The following SLC25A26 variants were observed in gnomAD, a reference collection of about 807,000 sequenced individuals.
SLC25A26 encodes mitochondrial S-adenosylmethionine carrier protein.
Under a neutral mutation model 37.8 loss-of-function variants are expected in SLC25A26, and 36 were observed. The ratio of observed to expected loss-of-function variants is 0.95; its 90% confidence interval spans 0.73 to 1.26. The LOEUF is 1.26. SLC25A26 is among the 50% of genes most tolerant of loss of function. The pLI is 0.00. For synonymous variants in SLC25A26, 129 were observed against 122.5 expected (o/e 1.05, Z -0.35); for missense variants, 390 against 331.1 (o/e 1.18, Z -1.38).
At chr3:66,244,916 G>T (rs2072757881) in intron 3 of SLC25A26, among the ~76,000 whole-genome samples, 2 of 152,162 alleles carry the variant, frequency 1.3e-5, no homozygotes, top group South Asian at 4.1e-4. Flanking sequence ...GGCAGAGCTT[G>T]CAGTGAGCCG....
intron 1 of SLC25A26, among the ~76,000 whole-genome samples, chr3:66,214,352 C>T (rs1012460065): frequency 1.3e-4 from 20 of 152,260 alleles, no homozygotes; most frequent in Admixed American, 3.9e-4. Flanking sequence ...CCTGCAGAAC[C>T]GTGAGCCAAA....
chr3:66,263,412 A>C (rs1387799665), intron 5 of SLC25A26, 33 bp downstream of exon 5: 1 of 1,376,496 alleles, frequency 7.3e-7, no homozygotes, highest in Non-Finnish European at 1.0e-6. Flanking sequence ...TTGAAGTACG[A>C]AAGAATGATG....
Position 66,378,056 on chromosome 3 carries a change from TAATA to T in SLC25A26, c.*255_*258del, listed in dbSNP as rs1700780492. On this transcript the variant is annotated 3_prime_UTR_variant, in exon 10 of 10. Transcript: ENST00000354883. Reference sequence around the variant, plus strand: ...TCTGAACAATTTCCTCAGAACCTCTTAATAAATAAGTTTGGTAATGCTGAGGCCA... The same window carrying T: ...TCTGAACAATTTCCTCAGAACCTCTTAATAAGTTTGGTAATGCTGAGGCCA... The T allele has an allele frequency of 4.1e-5, 16 of 394,142 alleles. No homozygotes were observed. Among genetic ancestry groups the T allele is most frequent in the Admixed American group, 3.5e-4 (9 of 25,620 alleles). The allele number at this position is 394,142 out of a possible 1,614,324, so 24.4% of individuals were successfully genotyped here.
intron 1 of SLC25A26, among the ~76,000 whole-genome samples, chr3:66,212,666 C>A (rs1344957500): frequency 6.6e-6 from 1 of 152,102 alleles, no homozygotes; most frequent in East Asian, 1.9e-4. Flanking sequence ...AAGCTCCTGG[C>A]AACCACCATG....
intron 7 of SLC25A26, among the ~76,000 whole-genome samples, chr3:66,367,129 A>G (rs1369482302): frequency 3.3e-5 from 5 of 152,220 alleles, no homozygotes; most frequent in Non-Finnish European, 7.3e-5. Context: ...AGATACGAAG[A>G]AAAAGCACTC....
At chr3:66,150,583 ATG>A (rs1352564482) in intron 1 of SLC25A26, among the ~76,000 whole-genome samples, 3 of 102,984 alleles carry the variant, frequency 2.9e-5, no homozygotes, top group Non-Finnish European at 5.8e-5. Flanking sequence ...TATATATATC[ATG>A]ATATATATAT....
At chr3:66,316,927 C>A (rs776195614) in intron 5 of SLC25A26, among the ~76,000 whole-genome samples, 1 of 152,118 alleles carries the variant, frequency 6.6e-6, no homozygotes, top group Non-Finnish European at 1.5e-5. Context: ...TTGTGAAGGT[C>A]TCATGTTGTG....
At chr3:66,287,300 A>C (rs2074548486) in intron 5 of SLC25A26, among the ~76,000 whole-genome samples, 1 of 151,998 alleles carries the variant, frequency 6.6e-6, no homozygotes, top group African/African-American at 2.4e-5. Context: ...CGTCTCAAAA[A>C]AAAAAAAAAA....
At chr3:66,209,898 T>TTATTTATATATA (rs2071256959) in intron 1 of SLC25A26, among the ~76,000 whole-genome samples, 2 of 38,608 alleles carry the variant, frequency 5.2e-5, no homozygotes, top group African/African-American at 8.8e-5. Flanking sequence ...CTCTCTCTAT[T>TTATTTATATATA]TATATATATA....
intron 6 of SLC25A26, among the ~76,000 whole-genome samples, chr3:66,353,690 C>T (rs2076511884): frequency 6.6e-6 from 1 of 152,206 alleles, no homozygotes. Flanking sequence ...TCTTAGACCA[C>T]CTCTCCCCAG....
At chr3:66,373,488 G>C (rs1005694080) in intron 9 of SLC25A26, among the ~76,000 whole-genome samples, 14 of 152,172 alleles carry the variant, frequency 9.2e-5, no homozygotes, top group African/African-American at 2.9e-4. Flanking sequence ...AAATAAGTAA[G>C]GTAGTAAAGG....
At chr3:66,333,004 TTTGCTAGAG>T (rs1447669970) in intron 5 of SLC25A26, among the ~76,000 whole-genome samples, 7 of 152,192 alleles carry the variant, frequency 4.6e-5, no homozygotes, top group African/African-American at 1.7e-4. Context: ...CTCTTAGTAT[TTTGCTAGAG>T]CCATTGCTAT....
chr3:66,185,393 A>G (rs1212200595), intron 1 of SLC25A26, among the ~76,000 whole-genome samples: 2 of 152,238 alleles, frequency 1.3e-5, no homozygotes, highest in Non-Finnish European at 2.9e-5. Context: ...CCTGTTGTGA[A>G]TAATGCTTCT....
chr3:66,312,430 G>A (rs1270068637), intron 5 of SLC25A26, among the ~76,000 whole-genome samples: 1 of 152,070 alleles, frequency 6.6e-6, no homozygotes, highest in Non-Finnish European at 1.5e-5. Flanking sequence ...CTGTGGGGGT[G>A]GAGCCTACTG....
chr3:66,196,007 A>C (rs932365566), intron 1 of SLC25A26, among the ~76,000 whole-genome samples: 1 of 152,260 alleles, frequency 6.6e-6, no homozygotes, highest in Non-Finnish European at 1.5e-5. Flanking sequence ...TTAGGCAGAC[A>C]CACGTGTACA....
chr3:66,209,898 T>TTATATATATATATATATA (rs1159734636), intron 1 of SLC25A26, among the ~76,000 whole-genome samples: 25 of 38,576 alleles, frequency 6.5e-4, no homozygotes, highest in Non-Finnish European at 9.1e-4. Context: ...CTCTCTCTAT[T>TTATATATATATATATATA]TATATATATA....
chr3:66,219,774 A>G (rs1053941721), upstream of SLC25A26, among the ~76,000 whole-genome samples: 397 of 152,314 alleles, frequency 2.6e-3, 1 homozygote, highest in African/African-American at 8.9e-3. Flanking sequence ...ACCTTTAGAG[A>G]GTACTTTCTA....
chr3:66,146,445 T>C (rs1000655358), intron 1 of SLC25A26, among the ~76,000 whole-genome samples: 1 of 152,162 alleles, frequency 6.6e-6, no homozygotes, highest in African/African-American at 2.4e-5. Context: ...TGGAAAGTTA[T>C]ATCCCAAAAT....
At chr3:66,169,050 AG>A (rs2070461299) in intron 1 of SLC25A26, among the ~76,000 whole-genome samples, 2 of 152,156 alleles carry the variant, frequency 1.3e-5, no homozygotes, top group South Asian at 4.1e-4. Context: ...ACTTGAGCCC[AG>A]GTGTTCGAGG....
Sources: allele counts gnomAD v4.1 joint callset (sites outside exome capture counted in the v4.1 genomes callset), GRCh38; gene constraint gnomAD v4.1.1; transcripts MANE v1.5; gene names NCBI Gene and HGNC (gene_info 2026-07-23, HGNC 2026-07-21).